Variants in THRB observed in about 807,000 individuals in gnomAD.
The protein encoded by THRB is nuclear receptor subfamily 1 group A member 2.
A neutral mutation model predicts 47.8 loss-of-function variants in THRB; 12 were observed. That is an observed-to-expected ratio of 0.25 (90% confidence interval 0.16 to 0.41). The LOEUF is 0.41. Ranked by LOEUF, THRB falls within the 10% of genes least tolerant of loss-of-function variation. The pLI, the probability that THRB is intolerant of heterozygous loss-of-function variation, is 1.00. For missense variants in THRB, 348 were observed against 589.2 expected (o/e 0.59, Z 4.24); for synonymous variants, 218 against 212.2 (o/e 1.03, Z -0.24).
At chr3:24,154,207 G>A (rs922723031) in intron 5 of THRB, among the ~76,000 whole-genome samples, 1 of 152,122 alleles carries the variant, frequency 6.6e-6, no homozygotes, top group Non-Finnish European at 1.5e-5. Flanking sequence ...CATCTGTTGA[G>A]TTCACTGCAA....
In THRB at chr3:24,446,255, G is replaced by A. The variant is rs114806012; in HGVS notation, c.-261+48397C>T. On this transcript the variant is annotated intron_variant, in intron 1 of 10. Transcript: ENST00000646209. The stretch of plus-strand genomic sequence containing the variant: ...CCATGATCTCACAGGGAAATGAGTG[G>A]AGCAAGTGGCTCATCAGCCACCTTG... Among the ~76,000 whole-genome samples the A allele has an allele frequency of 8.2e-3, 1,248 of 152,182 alleles. 20 individuals carry two copies. The highest frequency in any genetic ancestry group is 0.029 in the African/African-American group (1,191 of 41,516).
chr3:24,232,990 AG>A (rs977488871), intron 3 of THRB, among the ~76,000 whole-genome samples: 2 of 152,174 alleles, frequency 1.3e-5, no homozygotes, highest in African/African-American at 4.8e-5. Context: ...CCATGTGCCA[AG>A]GGGTGGTGCT....
chr3:24,165,446 C>T (rs1382193303), intron 5 of THRB: 4 of 671,518 alleles, frequency 6.0e-6, no homozygotes, highest in East Asian at 2.5e-5. Context: ...TGGGCATATA[C>T]GCAGAGAAGC....
At chr3:24,149,171 G>T (rs1359954032) in intron 6 of THRB, among the ~76,000 whole-genome samples, 1 of 152,178 alleles carries the variant, frequency 6.6e-6, no homozygotes, top group East Asian at 1.9e-4. Flanking sequence ...GAGAACTAAA[G>T]AAACCCAGAG....
intron 5 of THRB, among the ~76,000 whole-genome samples, chr3:24,165,896 A>T (rs927566243): frequency 2.6e-5 from 4 of 152,220 alleles, no homozygotes; most frequent in Non-Finnish European, 5.9e-5. Context: ...AAATCCTAAA[A>T]TCAATAATCT....
intron 1 of THRB, among the ~76,000 whole-genome samples, chr3:24,462,249 C>A (rs542779678): frequency 2.0e-5 from 3 of 152,254 alleles, no homozygotes; most frequent in Middle Eastern, 3.5e-3. Flanking sequence ...GACACAGGCA[C>A]CTTTAAGGGA....
intron 3 of THRB, among the ~76,000 whole-genome samples, chr3:24,281,069 T>G (rs964517254): frequency 4.6e-5 from 7 of 151,824 alleles, no homozygotes; most frequent in African/African-American, 1.7e-4. Flanking sequence ...AACGTTCAGA[T>G]TCAGGAAATA....
At chr3:24,228,218 C>T (rs758225217) in intron 4 of THRB, among the ~76,000 whole-genome samples, 1 of 152,164 alleles carries the variant, frequency 6.6e-6, no homozygotes, top group Non-Finnish European at 1.5e-5. Context: ...CCTGGCACCA[C>T]TGAGTGTACA....
At chr3:24,205,210 C>A (rs1057434369) in intron 4 of THRB, among the ~76,000 whole-genome samples, 1 of 152,096 alleles carries the variant, frequency 6.6e-6, no homozygotes, top group African/African-American at 2.4e-5. Context: ...GTCAGATTCA[C>A]CAAAGTTGAA....
intron 5 of THRB, among the ~76,000 whole-genome samples, chr3:24,178,838 T>C (rs1023684605): frequency 6.6e-6 from 1 of 152,180 alleles, no homozygotes; most frequent in Non-Finnish European, 1.5e-5. Flanking sequence ...ATTGCTAAAA[T>C]GTTCTCACCA....
chr3:24,134,671 C>T (rs1279671769), intron 8 of THRB, among the ~76,000 whole-genome samples: 1 of 152,150 alleles, frequency 6.6e-6, no homozygotes, highest in South Asian at 2.1e-4. Context: ...AACAGTATCT[C>T]TACTCCTCTG....
intron 2 of THRB, among the ~76,000 whole-genome samples, chr3:24,303,505 G>A (rs540138066): frequency 6.6e-6 from 1 of 152,272 alleles, no homozygotes; most frequent in Admixed American, 6.5e-5. Context: ...GAGCATGCCC[G>A]ATTATCATCG....
chr3:24,235,197 A>C (rs1037763711), intron 3 of THRB, among the ~76,000 whole-genome samples: 1 of 152,208 alleles, frequency 6.6e-6, no homozygotes, highest in Non-Finnish European at 1.5e-5. Flanking sequence ...TCACAAGGCT[A>C]GACCAGTGCC....
At chr3:24,398,143 T>A (rs1002843717) in intron 1 of THRB, among the ~76,000 whole-genome samples, 4 of 152,054 alleles carry the variant, frequency 2.6e-5, no homozygotes, top group Admixed American at 1.3e-4. Context: ...TCTCATTTTT[T>A]AAAAAAATGG....
At chr3:24,134,466 T>G (rs1160402589) in intron 8 of THRB, among the ~76,000 whole-genome samples, 1 of 152,174 alleles carries the variant, frequency 6.6e-6, no homozygotes, top group Non-Finnish European at 1.5e-5. Flanking sequence ...CACACTACCC[T>G]GTCTCAAGTA....
chr3:24,179,459 T>C (rs1376349249), intron 5 of THRB, among the ~76,000 whole-genome samples: 1 of 152,186 alleles, frequency 6.6e-6, no homozygotes, highest in African/African-American at 2.4e-5. Context: ...AAAAGAAATA[T>C]GGTAAAATGT....
Position 24,333,614 on chromosome 3 carries a change from G to A in THRB, c.-189+3686C>T, listed in dbSNP as rs534698843. 2.0e-4 allele frequency among the ~76,000 whole-genome samples: 31 copies of A among 152,320 alleles called. No individual in the cohort carries two copies. The South Asian group carries it at 3.3e-3, about 16-fold the overall frequency. On this transcript the variant is annotated intron_variant, in intron 2 of 10. Coordinates refer to ENST00000646209, the MANE Select transcript of THRB (RefSeq NM_001354712.2). The stretch of plus-strand genomic sequence containing the variant: ...TGCTAAATTAAATTTGGTTTGATCA[G>A]GAAATTTGTGTGCATGTGCAGGCAA...
At position 24,297,046 on chromosome 3, in the gene THRB, G is replaced by A. The variant is rs1041988002; in HGVS notation, c.-43+180C>T. On this transcript the variant is annotated intron_variant, in intron 3 of 10. Transcript: ENST00000646209. ...ACCCGTATAGTATGAGAAATCACAAGGCATATCTGAGGGAAGACATCTTTT... is the reference window on the plus strand; with the variant it reads ...ACCCGTATAGTATGAGAAATCACAAAGCATATCTGAGGGAAGACATCTTTT... Among the ~76,000 whole-genome samples the A allele has an allele frequency of 1.8e-4, 28 of 152,176 alleles. 1 individual carries two copies. Among genetic ancestry groups the A allele is most frequent in the Admixed American group, 1.4e-3 (21 of 15,292 alleles).
intron 1 of THRB, among the ~76,000 whole-genome samples, chr3:24,390,797 A>AAAAATAT (rs5847290): frequency 2.5e-3 from 349 of 137,844 alleles, no homozygotes; most frequent in African/African-American, 8.8e-3. Context: ...AAAAAAAAAA[A>AAAAATAT]ATATATATAT....
Sources: allele counts gnomAD v4.1 joint callset (sites outside exome capture counted in the v4.1 genomes callset), GRCh38; gene constraint gnomAD v4.1.1; transcripts MANE v1.5; gene names NCBI Gene and HGNC (gene_info 2026-07-23, HGNC 2026-07-21).